The following INPP4B variants were observed in gnomAD, a reference collection of about 807,000 sequenced individuals.
The protein encoded by INPP4B is inositol polyphosphate-4-phosphatase type II B.
INPP4B carries 55 observed loss-of-function variants against 122.5 expected under a neutral mutation model. The observed-to-expected ratio is 0.45, with a 90% CI of 0.36 to 0.56. The LOEUF (loss-of-function observed/expected upper bound fraction) is 0.56. Among genes scored for constraint, INPP4B ranks in the 20% least tolerant of loss-of-function variants. INPP4B has a pLI of 0.00. For missense variants in INPP4B, 1,000 were observed against 1,097.7 expected (o/e 0.91, Z 1.26); for synonymous variants, 403 against 388.7 (o/e 1.04, Z -0.43).
intron 1 of INPP4B, among the ~76,000 whole-genome samples, chr4:142,734,645 T>G (rs963847616): frequency 5.9e-5 from 9 of 152,120 alleles, no homozygotes; most frequent in Non-Finnish European, 1.3e-4. Flanking sequence ...AGATTTTGTT[T>G]GTTTGTTTGT....
At chr4:142,206,547 G>A (rs994534580) in intron 14 of INPP4B, among the ~76,000 whole-genome samples, 1 of 151,822 alleles carries the variant, frequency 6.6e-6, no homozygotes, top group Non-Finnish European at 1.5e-5. Flanking sequence ...AAACAATAAA[G>A]TTTAATTTTT....
intron 2 of INPP4B, among the ~76,000 whole-genome samples, chr4:142,551,443 G>A (rs1028429543): frequency 2.6e-5 from 4 of 152,128 alleles, no homozygotes; most frequent in African/African-American, 9.7e-5. Flanking sequence ...AAAGAGACAA[G>A]GCAGGAACCT....
At chr4:142,277,701 A>ACACG (rs1749257534) in intron 9 of INPP4B, among the ~76,000 whole-genome samples, 2 of 151,390 alleles carry the variant, frequency 1.3e-5, no homozygotes, top group South Asian at 4.2e-4. Flanking sequence ...ACACACACAC[A>ACACG]CACACACCAT....
intron 20 of INPP4B, among the ~76,000 whole-genome samples, chr4:142,122,678 T>C (rs1017786727): frequency 6.6e-6 from 1 of 152,094 alleles, no homozygotes; most frequent in Non-Finnish European, 1.5e-5. Flanking sequence ...AGATTCCAGA[T>C]CAGCACTCTC....
intron 7 of INPP4B, among the ~76,000 whole-genome samples, chr4:142,378,644 C>G (rs1208929719): frequency 2.6e-5 from 4 of 152,166 alleles, no homozygotes; most frequent in African/African-American, 9.7e-5. Context: ...GAATATGTCT[C>G]TGAATATTAA....
chr4:142,053,138 C>T (rs895761166), intron 25 of INPP4B, among the ~76,000 whole-genome samples: 22 of 151,918 alleles, frequency 1.4e-4, no homozygotes, highest in Admixed American at 1.3e-3. Context: ...GGAAAGGACA[C>T]GGCCAACAGG....
At chr4:142,519,527 T>C (rs1825821656) in intron 2 of INPP4B, among the ~76,000 whole-genome samples, 1 of 152,122 alleles carries the variant, frequency 6.6e-6, no homozygotes, top group African/African-American at 2.4e-5. Flanking sequence ...GATAAATGAG[T>C]TACACAGTTA....
At chr4:142,049,829 T>G (rs1414762141) in intron 25 of INPP4B, among the ~76,000 whole-genome samples, 1 of 152,064 alleles carries the variant, frequency 6.6e-6, no homozygotes, top group African/African-American at 2.4e-5. Flanking sequence ...GGGCACTAAA[T>G]GTATTTCTTT....
In INPP4B at chr4:142,633,913, C is replaced by G. The variant is rs1748529731; in HGVS notation, c.-191+91926G>C. On this transcript the variant is annotated intron_variant, in intron 2 of 25. Transcript: ENST00000262992. ...CATGGTGATGTGCCCATAGTCCCAG[C>G]TACTTGGGAGACTGAGGCAGGAGGA... is the stretch of plus-strand genomic sequence containing the variant. 2.0e-5 allele frequency among the ~76,000 whole-genome samples: 3 copies of G among 152,004 alleles called. No homozygotes were observed. In the South Asian group the frequency reaches 6.2e-4, roughly 31 times the overall value.
intron 18 of INPP4B, among the ~76,000 whole-genome samples, chr4:142,135,990 G>T (rs547995860): frequency 2.2e-4 from 34 of 152,218 alleles, no homozygotes; most frequent in African/African-American, 7.5e-4. Flanking sequence ...GTAGAGACGG[G>T]GTTTCACCGT....
At chr4:142,270,337 T>A (rs1274584210) in intron 10 of INPP4B, among the ~76,000 whole-genome samples, 1 of 152,226 alleles carries the variant, frequency 6.6e-6, no homozygotes, top group East Asian at 1.9e-4. Flanking sequence ...CAGAATCTTC[T>A]GGCATCTCAC....
chr4:142,700,536 T>C (rs1162667103), intron 2 of INPP4B, among the ~76,000 whole-genome samples: 2 of 152,222 alleles, frequency 1.3e-5, no homozygotes, highest in African/African-American at 4.8e-5. Context: ...TTCTTCAAAG[T>C]ATCTGTTCTA....
At chr4:142,047,988 A>C (rs1353021551) in intron 25 of INPP4B, among the ~76,000 whole-genome samples, 2 of 152,132 alleles carry the variant, frequency 1.3e-5, no homozygotes, top group Non-Finnish European at 2.9e-5. Context: ...ATTCATAAAA[A>C]GTCAATCATA....
intron 11 of INPP4B, among the ~76,000 whole-genome samples, chr4:142,243,242 T>A (rs142956558): frequency 6.6e-6 from 1 of 152,324 alleles, no homozygotes; most frequent in East Asian, 1.9e-4. Flanking sequence ...TCTCCTAGTT[T>A]ACCTAAAGGA....
intron 21 of INPP4B, among the ~76,000 whole-genome samples, chr4:142,119,380 A>G (rs10000975): frequency 0.13 from 19,412 of 152,176 alleles, 1,423 homozygotes; most frequent in East Asian, 0.24. Flanking sequence ...ACAATAGCAA[A>G]GACTTGGAAC....
chr4:142,432,856 C>G (rs1382342119), intron 3 of INPP4B, among the ~76,000 whole-genome samples: 1 of 152,066 alleles, frequency 6.6e-6, no homozygotes, highest in African/African-American at 2.4e-5. Flanking sequence ...AAAATAACAC[C>G]TCAGCACACT....
At chr4:142,790,945 C>T (rs1373727271) in intron 1 of INPP4B, among the ~76,000 whole-genome samples, 1 of 152,038 alleles carries the variant, frequency 6.6e-6, no homozygotes, top group Non-Finnish European at 1.5e-5. Context: ...ACACCAAACA[C>T]AAACTCCATT....
intron 1 of INPP4B, among the ~76,000 whole-genome samples, chr4:142,838,421 C>G (rs939124643): frequency 6.6e-6 from 1 of 151,754 alleles, no homozygotes; most frequent in African/African-American, 2.4e-5. Flanking sequence ...TCAATTATTT[C>G]TCATTACACT....
intron 9 of INPP4B, among the ~76,000 whole-genome samples, chr4:142,278,109 T>C (rs1749488623): frequency 6.6e-6 from 1 of 151,932 alleles, no homozygotes; most frequent in Non-Finnish European, 1.5e-5. Context: ...TGGGTTCCAG[T>C]TGCAGGTAAC....
Sources: allele counts gnomAD v4.1 joint callset (sites outside exome capture counted in the v4.1 genomes callset), GRCh38; gene constraint gnomAD v4.1.1; transcripts MANE v1.5; gene names NCBI Gene and HGNC (gene_info 2026-07-23, HGNC 2026-07-21).